The following NPIPB2 variants were observed in gnomAD, a reference collection of about 807,000 sequenced individuals.
NPIPB2 encodes the protein nuclear pore complex interacting protein family member B2.
In NPIPB2, 27 loss-of-function variants were observed where a neutral mutation model predicts 30.8. The ratio of observed to expected loss-of-function variants is 0.88; its 90% CI spans 0.65 to 1.21. The LOEUF (loss-of-function observed/expected upper bound fraction) is 1.21, where lower values mean the gene tolerates loss of function less well. Ranked by LOEUF, NPIPB2 falls within the 50% of genes most tolerant of loss-of-function variation. The pLI is 0.00. For synonymous variants in NPIPB2, 147 were observed against 162.0 expected, an observed-to-expected ratio of 0.91 and a Z score of 0.70; for missense variants, 440 against 446.2, an observed-to-expected ratio of 0.99 and a Z score of 0.13.
chr16:11,927,652 G>A (rs1464425517), exon 8 of NPIPB2: 5 of 1,598,660 alleles, frequency 3.1e-6, no homozygotes. Context: ...GAAGGGGAGT[G>A]AGCAGACACT....
At chr16:11,927,626 G>T in exon 8 of NPIPB2, 1 of 1,606,192 alleles carries the variant, frequency 6.2e-7, no homozygotes. Flanking sequence ...ATCCGCTGAG[G>T]GTGGAGCTGA....
At chr16:11,946,288 G>A (rs1185258819), upstream of NPIPB2, among the ~76,000 whole-genome samples, 3 of 150,738 alleles carry the variant, frequency 2.0e-5, no homozygotes, top group African/African-American at 7.3e-5. Context: ...GGGAGGCTGA[G>A]GCAGGAGAAT....
intron 1 of NPIPB2, among the ~76,000 whole-genome samples, chr16:11,972,774 G>A (rs1017868445): frequency 6.6e-6 from 1 of 151,596 alleles, no homozygotes; most frequent in Non-Finnish European, 1.5e-5. Context: ...TGAGGCAGGA[G>A]AATTGCTTGA....
intron 1 of NPIPB2, chr16:11,968,027 G>A: frequency 1.5e-6 from 1 of 649,896 alleles, no homozygotes; most frequent in Non-Finnish European, 2.5e-6. Context: ...CTTAATGGTA[G>A]AAACTTCCTT....
At chr16:11,940,930 C>G (rs964412000) in intron 1 of NPIPB2, among the ~76,000 whole-genome samples, 1 of 149,522 alleles carries the variant, frequency 6.7e-6, no homozygotes, top group African/African-American at 2.5e-5. Flanking sequence ...ACCTCAGCCT[C>G]TCCAGTAACT....
chr16:11,943,565 G>A (rs1417588281), upstream of NPIPB2, among the ~76,000 whole-genome samples: 2 of 151,230 alleles, frequency 1.3e-5, no homozygotes, highest in African/African-American at 2.4e-5. Flanking sequence ...AGCCAGGCAT[G>A]GTGGCACACG....
At chr16:11,944,119 C>G (rs1393486623), upstream of NPIPB2, among the ~76,000 whole-genome samples, 4 of 150,866 alleles carry the variant, frequency 2.7e-5, no homozygotes, top group Admixed American at 6.6e-5. Flanking sequence ...GAAGATTTTA[C>G]CAGAAAACAG....
intron 1 of NPIPB2, among the ~76,000 whole-genome samples, chr16:11,972,862 C>CA (rs200717499): frequency 0.099 from 9,944 of 100,238 alleles, 393 homozygotes; most frequent in Non-Finnish European, 0.13. Context: ...GATTCGGACT[C>CA]AAAAAAAAAA....
chr16:11,965,666 T>G (rs2055187701), intron 1 of NPIPB2, among the ~76,000 whole-genome samples: 1 of 151,732 alleles, frequency 6.6e-6, no homozygotes, highest in African/African-American at 2.4e-5. Context: ...GCAACATAGA[T>G]TTTTTTTAAA....
intron 2 of NPIPB2, among the ~76,000 whole-genome samples, chr16:11,936,431 G>C (rs2054870047): frequency 6.7e-6 from 1 of 148,342 alleles, no homozygotes; most frequent in African/African-American, 2.5e-5. Context: ...TATATTTTCT[G>C]TTTTCTACAT....
rs932150705 is a variant in NPIPB2, at chr16:11,941,752, C to T, written c.63+231G>A. 4.5e-5 allele frequency: 40 copies of T among 890,420 alleles called. 2 individuals carry two copies. The Middle Eastern group carries it at 9.6e-4, about 21-fold the overall frequency. The allele number at this position is 890,420 out of a possible 1,614,324, so 55.2% of individuals were successfully genotyped here. On this transcript the variant is annotated intron_variant, in intron 1 of 7. Transcript: ENST00000399147. Reference sequence around the variant, plus strand: ...GCCTCACAATGGACATGCCAAGTAGCGCCCGCATCATTCCAATGACCCCTC... The same window carrying T: ...GCCTCACAATGGACATGCCAAGTAGTGCCCGCATCATTCCAATGACCCCTC...
intron 1 of NPIPB2, among the ~76,000 whole-genome samples, chr16:11,951,803 G>A (rs576261707): frequency 1.1e-4 from 16 of 152,022 alleles, no homozygotes; most frequent in Middle Eastern, 3.4e-3. Context: ...CGAGGCGGGC[G>A]GATGATGAGG....
In NPIPB2 at chr16:11,954,229, G is replaced by T. The variant is rs188531480; in HGVS notation, c.-583-12115C>A. 5.8e-3 allele frequency among the ~76,000 whole-genome samples: 880 copies of T among 152,104 alleles called. 13 individuals are homozygous for T. The highest frequency in any genetic ancestry group is 0.02 in the African/African-American group (836 of 41,514). Reference sequence around the variant, plus strand: ...AGGCCAGGCATGGTGGCTAATGCCTGTAATCCCAACAGTTTGGGAGAGTGA... The same window carrying T: ...AGGCCAGGCATGGTGGCTAATGCCTTTAATCCCAACAGTTTGGGAGAGTGA... On this transcript the variant is annotated intron_variant, in intron 1 of 5. Coordinates refer to the NPIPB2 transcript ENST00000538896.
upstream of NPIPB2, among the ~76,000 whole-genome samples, chr16:11,946,383 CT>C (rs1403805929): frequency 3.7e-5 from 3 of 81,890 alleles, no homozygotes; most frequent in Admixed American, 1.6e-4. Context: ...TAAACTCTAT[CT>C]CAAAAAAAAA....
At position 11,933,516 on chromosome 16, in the gene NPIPB2, C is replaced by T. The variant is rs187418555; in HGVS notation, c.488+1G>A. On this transcript the variant is annotated splice_donor_variant, in intron 4 of 7. Coordinates refer to ENST00000399147, the Ensembl canonical transcript of NPIPB2. LOFTEE classifies it high-confidence loss of function. ...AATATTTGTGTCAAGGCACATCTTA[C>T]TGTTTTTTGGCGGTCTTCCTCTTTC... 1.4e-4 allele frequency: 230 copies of T among 1,596,914 alleles called. No individual in the cohort carries two copies. The African/African-American group carries it at 2.2e-3, about 16-fold the overall frequency.
intron 1 of NPIPB2, among the ~76,000 whole-genome samples, chr16:11,956,768 G>T (rs1293971217): frequency 2.0e-5 from 3 of 152,206 alleles, no homozygotes; most frequent in Non-Finnish European, 4.4e-5. Context: ...ATTGGAACCA[G>T]GCTTCTTGAG....
At chr16:11,938,250 A>G (rs2054893696) in intron 1 of NPIPB2, among the ~76,000 whole-genome samples, 1 of 152,208 alleles carries the variant, frequency 6.6e-6, no homozygotes, top group South Asian at 2.1e-4. Flanking sequence ...AACTCCTGAC[A>G]GGTGATCTGC....
At chr16:11,972,690 T>C (rs936222716) in intron 1 of NPIPB2, among the ~76,000 whole-genome samples, 2 of 147,066 alleles carry the variant, frequency 1.4e-5, no homozygotes, top group African/African-American at 2.6e-5. Flanking sequence ...CTGGCCAACA[T>C]GGTGAAACCC....
At chr16:11,952,175 C>CA (rs112970450) in intron 1 of NPIPB2, among the ~76,000 whole-genome samples, 104,516 of 128,680 alleles carry the variant, frequency 0.81, 42,910 homozygotes, top group South Asian at 0.92. Flanking sequence ...AAAAACAAAA[C>CA]AAAAAAAAAA....
Sources: allele counts gnomAD v4.1 joint callset (sites outside exome capture counted in the v4.1 genomes callset), GRCh38; gene constraint gnomAD v4.1.1; transcripts MANE v1.5; gene names NCBI Gene and HGNC (gene_info 2026-07-23, HGNC 2026-07-21).